CTPS2: variants seen among roughly 807,000 people sequenced by gnomAD.
CTPS2 encodes CTP synthase 2, also known as CTP synthase II.
A neutral mutation model predicts 46.8 loss-of-function variants in CTPS2; 19 were observed. The ratio of observed to expected loss-of-function variants is 0.41; its 90% CI spans 0.28 to 0.60. CTPS2 has a LOEUF of 0.60. CTPS2 is among the 20% of genes least tolerant of loss of function. The pLI is 0.35. For synonymous variants in CTPS2, 151 were observed against 165.2 expected (o/e 0.91, Z 0.66); for missense variants, 286 against 447.6 (o/e 0.64, Z 3.26).
Position 16,708,872 on chromosome X carries a change from G to A in CTPS2, c.-40+3463C>T, listed in dbSNP as rs767461424. ...GTATAAGAAAATGCTTCTTTGGGAG[G>A]CTGAGGCAGGCGGATCACCTGAGGT... On this transcript the variant is annotated intron_variant, in intron 1 of 18. Transcript: ENST00000359276. Among the ~76,000 whole-genome samples, 12 of 112,033 alleles carry A rather than the reference G, an allele frequency of 1.1e-4. No individual in the cohort carries two copies. The South Asian group carries it at 4.4e-3, about 41-fold the overall frequency.
chrX:16,675,897 T>G (rs1922226469), intron 10 of CTPS2, among the ~76,000 whole-genome samples: 1 of 112,087 alleles, frequency 8.9e-6, no homozygotes, highest in Non-Finnish European at 1.9e-5. Context: ...AAATTAATAT[T>G]TTTTACTTTG....
chrX:16,610,336 A>G (rs1930199760), intron 16 of CTPS2, among the ~76,000 whole-genome samples: 1 of 111,386 alleles, frequency 9.0e-6, no homozygotes. Context: ...GGAAGTAAAT[A>G]TAACTTTAAA....
At chrX:16,659,345 A>C (rs769388350) in intron 13 of CTPS2, among the ~76,000 whole-genome samples, 1 of 111,724 alleles carries the variant, frequency 9.0e-6, no homozygotes, top group Non-Finnish European at 1.9e-5. Context: ...TTCATCAAAA[A>C]AGTAGCATTT....
rs544066416 is a variant in CTPS2 at position 16,694,709 on chromosome X, C to T, written c.439-1222G>A. Among the ~76,000 whole-genome samples the T allele has an allele frequency of 3.6e-5, 4 of 112,412 alleles. No homozygotes were observed. The South Asian group carries it at 1.1e-3, about 31-fold the overall frequency. ...CCTGTTACCAAAATTACAGCAGAAC[C>T]AAAGCCAGGGCTGGGTGCAGTGGCT... On this transcript the variant is annotated intron_variant, in intron 4 of 18. Coordinates refer to ENST00000359276, the MANE Select transcript of CTPS2 (RefSeq NM_175859.3).
chrX:16,700,112 C>CAGT, intron 2 of CTPS2, among the ~76,000 whole-genome samples: 1 of 97,494 alleles, frequency 1.0e-5, no homozygotes, highest in South Asian at 5.2e-4. Flanking sequence ...TTTGTATTAC[C>CAGT]ATTATTATTA....
At chrX:16,703,064 C>T in intron 1 of CTPS2, 123 bp from the exon 2 acceptor site, 1 of 458,301 alleles carries the variant, frequency 2.2e-6, no homozygotes, top group Non-Finnish European at 3.5e-6. Flanking sequence ...TACTGTCACC[C>T]AGGCTGGAAT....
chrX:16,653,766 G>A (rs1171129400), intron 13 of CTPS2, among the ~76,000 whole-genome samples: 1 of 112,300 alleles, frequency 8.9e-6, no homozygotes, highest in Non-Finnish European at 1.9e-5. Context: ...ATAGCTCAAC[G>A]TTTGGGAAAA....
chrX:16,667,413 G>A (rs955968316), intron 13 of CTPS2, 101 bp downstream of exon 13: 92 of 866,093 alleles, frequency 1.1e-4, no homozygotes, highest in Non-Finnish European at 1.5e-4. Flanking sequence ...GGATTACAGG[G>A]GTGAGCCATG....
chrX:16,677,008 G>A (rs971724939), intron 10 of CTPS2, among the ~76,000 whole-genome samples: 3 of 103,904 alleles, frequency 2.9e-5, no homozygotes, highest in East Asian at 3.1e-4. Context: ...GCAGTGAGCC[G>A]AGATCGCACC....
chrX:16,704,998 A>G (rs760887336), intron 1 of CTPS2, among the ~76,000 whole-genome samples: 7 of 109,996 alleles, frequency 6.4e-5, no homozygotes, highest in Non-Finnish European at 1.1e-4. Context: ...TGATGCGTCA[A>G]TGTAGGTTCA....
intron 1 of CTPS2, among the ~76,000 whole-genome samples, chrX:16,709,117 A>G (rs997562557): frequency 4.5e-5 from 5 of 111,231 alleles, no homozygotes; most frequent in Non-Finnish European, 9.4e-5. Flanking sequence ...CTCAAAAAAA[A>G]AAGTTAAAAA....
intron 13 of CTPS2, among the ~76,000 whole-genome samples, chrX:16,646,481 C>T (rs1225420950): frequency 2.7e-5 from 3 of 112,648 alleles, no homozygotes; most frequent in Non-Finnish European, 1.9e-5. Context: ...GGGAACTCAA[C>T]TGCTGAAGGT....
intron 17 of CTPS2, among the ~76,000 whole-genome samples, chrX:16,596,867 CT>C (rs1345939250): frequency 1.9e-5 from 2 of 105,820 alleles, no homozygotes; most frequent in Non-Finnish European, 3.8e-5. Flanking sequence ...TGTTTCCTGA[CT>C]TTTTAATGAT....
Position 16,609,609 on chromosome X carries a change from C to A in CTPS2, c.1623G>T (p.Leu541=). The A allele has an allele frequency of 1.7e-6, 2 of 1,211,214 alleles. No individual in the cohort carries two copies. The highest frequency in any genetic ancestry group is 2.2e-6 in the Non-Finnish European group (2 of 895,122). ...SRPMKPSPPY[L]GLLLAATGNL... Reference sequence around the variant, plus strand: ...TCCCAGTTGCTGCAAGTAACAGCCCCAGATACGGAGGGGAAGGCTTCATCG... The same window carrying A: ...TCCCAGTTGCTGCAAGTAACAGCCCAAGATACGGAGGGGAAGGCTTCATCG... Residue 541 remains leucine, a synonymous_variant, in exon 17 of 19, where the codon CTG becomes CTT. Coordinates refer to ENST00000359276, the MANE Select transcript of CTPS2 (RefSeq NM_175859.3).
chrX:16,647,909 C>A (rs1160652094), intron 13 of CTPS2, among the ~76,000 whole-genome samples: 1 of 110,315 alleles, frequency 9.1e-6, no homozygotes, highest in East Asian at 2.9e-4. Context: ...TGGCAAAACC[C>A]ATGTTGTATT....
At chrX:16,676,044 C>T (rs1470781534) in intron 10 of CTPS2, among the ~76,000 whole-genome samples, 1 of 111,895 alleles carries the variant, frequency 8.9e-6, no homozygotes, top group East Asian at 2.8e-4. Flanking sequence ...TTTCTCTCTA[C>T]CTGATTTGTC....
intron 11 of CTPS2, among the ~76,000 whole-genome samples, chrX:16,669,244 C>G (rs890929754): frequency 9.0e-6 from 1 of 111,517 alleles, no homozygotes; most frequent in African/African-American, 3.3e-5. Context: ...CTCCCAGACC[C>G]AGCTCCGCCT....
intron 3 of CTPS2, among the ~76,000 whole-genome samples, 183 bp from the exon 4 acceptor site, chrX:16,698,519 C>T (rs138446079): frequency 1.9e-4 from 20 of 104,918 alleles, no homozygotes; most frequent in African/African-American, 5.4e-4. Flanking sequence ...GGGACTGTGA[C>T]ATTTTCAGTT....
rs374266885 is a variant in CTPS2 at position 16,636,396 on chromosome X, A to T, written c.1393+2751T>A. ...GGCAACAGAGTGAGACTATCTCAAA[A>T]AAAGAAAAAAGAAAGAAAGAAGCCA... On this transcript the variant is annotated intron_variant, in intron 14 of 18. Transcript: ENST00000359276. 3.4e-3 allele frequency among the ~76,000 whole-genome samples: 385 copies of T among 111,763 alleles called. 2 individuals carry two copies. Among genetic ancestry groups the T allele is most frequent in the African/African-American group, 0.011 (349 of 30,767 alleles).
Sources: gnomAD v4.1 joint callset for allele counts (sites outside exome capture counted in the v4.1 genomes callset) on GRCh38, gnomAD v4.1.1 for gene constraint, MANE v1.5 for transcripts, NCBI Gene and HGNC (gene_info 2026-07-23, HGNC 2026-07-21) for gene names.